The following LGSN variants were observed in gnomAD, a reference collection of about 807,000 sequenced individuals.
The protein encoded by LGSN is lengsin, lens protein with glutamine synthetase domain, also known as lengsin.
Under a neutral mutation model 19.5 loss-of-function variants are expected in LGSN, and 21 were observed. The observed-to-expected ratio is 1.07, with a 90% CI of 0.76 to 1.55. The LOEUF (loss-of-function observed/expected upper bound fraction) is 1.55. LGSN is among the 40% of genes most tolerant of loss of function. LGSN has a pLI of 0.00. For missense variants in LGSN, 673 were observed against 608.5 expected, an observed-to-expected ratio of 1.11 and a Z score of -1.12; for synonymous variants, 257 against 215.6, an observed-to-expected ratio of 1.19 and a Z score of -1.68.
the LGSN span, among the ~76,000 whole-genome samples, chr6:63,558,001 T>C: frequency 6.6e-6 from 1 of 151,696 alleles, no homozygotes; most frequent in Non-Finnish European, 1.5e-5. Context: ...GCAATTCTCC[T>C]GCTGTGACTA....
chr6:63,480,490 G>T, the LGSN span: 142 of 156,976 alleles, frequency 9.0e-4, no homozygotes, highest in Non-Finnish European at 1.3e-3. Context: ...AAAGGCAAAG[G>T]GAAGAATACC....
intron 1 of LGSN, among the ~76,000 whole-genome samples, chr6:63,297,771 C>A (rs796927919): frequency 7.2e-5 from 11 of 152,234 alleles, no homozygotes; most frequent in African/African-American, 2.4e-4. Context: ...ATCATATTGT[C>A]AAATTAAATT....
the LGSN span, among the ~76,000 whole-genome samples, chr6:63,394,060 G>T: frequency 6.6e-6 from 1 of 152,170 alleles, no homozygotes; most frequent in Non-Finnish European, 1.5e-5. Flanking sequence ...CTGAGGTCAG[G>T]AGTTTGAGAC....
the LGSN span, among the ~76,000 whole-genome samples, chr6:63,347,184 C>A: frequency 1.3e-5 from 2 of 152,076 alleles, no homozygotes; most frequent in African/African-American, 4.8e-5. Flanking sequence ...AAGTGAGGAA[C>A]TGAGAATGAG....
intron 2 of LGSN, chr6:63,293,802 A>G: frequency 2.2e-6 from 1 of 456,514 alleles, no homozygotes; most frequent in South Asian, 1.5e-5. Context: ...AGGTCCCATG[A>G]TAGGTTTGCT....
chr6:63,285,655 C>A lies in LGSN; in HGVS notation c.262G>T (p.Val88Leu). 1.2e-6 allele frequency: 2 copies of A among 1,613,924 alleles called. No homozygotes were observed. The highest frequency in any genetic ancestry group is 8.5e-7 in the Non-Finnish European group (1 of 1,179,928). Residue 88 changes from valine to leucine, a missense_variant, in exon 3 of 4, where the codon GTA (valine) becomes TTA (leucine). By Grantham distance (32) the Val-to-Leu change is conservative (BLOSUM62 1). Coordinates refer to ENST00000370657, the MANE Select transcript of LGSN (RefSeq NM_016571.3). ...QAMAKNRLQFVRFEATDLHGV... is the reference protein window; with the variant it reads ...QAMAKNRLQFLRFEATDLHGV... ...TGGAGGTCTGTTGCTTCAAATCGTA[C>A]AAACTGGAGGCGATTTTTGGCCATG...
chr6:63,494,742 G>A, the LGSN span, among the ~76,000 whole-genome samples: 8 of 152,258 alleles, frequency 5.3e-5, no homozygotes, highest in African/African-American at 1.9e-4. Flanking sequence ...CTAAAGAAAT[G>A]GTGTGCCATA....
chr6:63,430,939 T>C, the LGSN span, among the ~76,000 whole-genome samples: 1 of 152,152 alleles, frequency 6.6e-6, no homozygotes, highest in Admixed American at 6.5e-5. Flanking sequence ...TTAAGAGCTG[T>C]TTAAAAAGCA....
chr6:63,563,624 T>C, the LGSN span, among the ~76,000 whole-genome samples: 1,676 of 152,322 alleles, frequency 0.011, 15 homozygotes, highest in South Asian at 0.038. Context: ...ATAAATTTCA[T>C]TGGGGCAGAA....
the LGSN span, among the ~76,000 whole-genome samples, chr6:63,511,246 C>CTTTTT: frequency 2.4e-4 from 32 of 131,458 alleles, no homozygotes; most frequent in East Asian, 7.3e-4. Flanking sequence ...AAATAGATTT[C>CTTTTT]TTTTTTTTTT....
the LGSN span, among the ~76,000 whole-genome samples, chr6:63,339,476 C>T: frequency 0.012 from 1,783 of 152,056 alleles, 14 homozygotes; most frequent in Non-Finnish European, 0.016. Flanking sequence ...CTAATTTGTC[C>T]GACATAAGTA....
chr6:63,374,173 A>G, the LGSN span, among the ~76,000 whole-genome samples: 1 of 152,310 alleles, frequency 6.6e-6, no homozygotes, highest in African/African-American at 2.4e-5. Flanking sequence ...TTATTCAGAA[A>G]AAAAAACACC....
At chr6:63,354,503 T>C in the LGSN span, among the ~76,000 whole-genome samples, 1 of 151,980 alleles carries the variant, frequency 6.6e-6, no homozygotes. Context: ...CAGATGCTGG[T>C]GAGGATGCAA....
chr6:63,544,342 C>A, the LGSN span, among the ~76,000 whole-genome samples: 2 of 152,150 alleles, frequency 1.3e-5, no homozygotes, highest in South Asian at 4.1e-4. Flanking sequence ...TACATTATTT[C>A]TTTCTCTATA....
At chr6:63,547,592 G>A in the LGSN span, among the ~76,000 whole-genome samples, 2 of 140,958 alleles carry the variant, frequency 1.4e-5, no homozygotes, top group African/African-American at 5.3e-5. Context: ...TGCGAGCTCC[G>A]CCTCCCGGGT....
the LGSN span, among the ~76,000 whole-genome samples, chr6:63,475,966 A>C: frequency 3.7e-3 from 571 of 152,338 alleles, 5 homozygotes; most frequent in African/African-American, 0.013. Context: ...AAGTTCAAGC[A>C]GGCAGAGTAC....
At chr6:63,554,905 A>T in the LGSN span, among the ~76,000 whole-genome samples, 1 of 152,248 alleles carries the variant, frequency 6.6e-6, no homozygotes, top group African/African-American at 2.4e-5. Context: ...GCTGGTGTAT[A>T]GTAGATTTTC....
upstream of LGSN, among the ~76,000 whole-genome samples, chr6:63,320,764 T>TAA (rs1206462350): frequency 6.6e-6 from 1 of 152,202 alleles, no homozygotes. Context: ...AAATTCTCTC[T>TAA]AAGCATTTTC....
chr6:63,402,739 C>T, the LGSN span, among the ~76,000 whole-genome samples: 9 of 151,574 alleles, frequency 5.9e-5, no homozygotes, highest in East Asian at 1.6e-3. Context: ...AGCCATAGTA[C>T]CCAGATGTTT....
Sources: gnomAD v4.1 joint callset for allele counts (sites outside exome capture counted in the v4.1 genomes callset) on GRCh38, gnomAD v4.1.1 for gene constraint, MANE v1.5 for transcripts, NCBI Gene and HGNC (gene_info 2026-07-23, HGNC 2026-07-21) for gene names.